HYCC2: variants seen among roughly 807,000 people sequenced by gnomAD.
HYCC2 encodes the protein hyccin 2.
chr2:201,024,879 G>C, the HYCC2 span, among the ~76,000 whole-genome samples: 1 of 152,216 alleles, frequency 6.6e-6, no homozygotes, highest in South Asian at 2.1e-4. Context: ...ACTTTGGGAG[G>C]CTGAGGCAGG....
chr2:201,048,250 T>C, the HYCC2 span, among the ~76,000 whole-genome samples: 3 of 151,954 alleles, frequency 2.0e-5, no homozygotes, highest in Non-Finnish European at 4.4e-5. Context: ...TATATACATA[T>C]ATCAAACAAG....
At chr2:201,005,016 CAAAAAA>C in the HYCC2 span, among the ~76,000 whole-genome samples, 4 of 56,598 alleles carry the variant, frequency 7.1e-5, no homozygotes, top group East Asian at 2.5e-3. Context: ...GACTCCATCT[CAAAAAA>C]AAAAAAAAAA....
chr2:200,995,843 T>C, the HYCC2 span, among the ~76,000 whole-genome samples: 1 of 152,176 alleles, frequency 6.6e-6, no homozygotes, highest in African/African-American at 2.4e-5. Context: ...CTGCTCAATT[T>C]GTAGCAATTT....
At chr2:200,979,247 TATAC>T in the HYCC2 span, 1 of 147,886 alleles carries the variant, frequency 6.8e-6, no homozygotes. Context: ...CTTTGTGATA[TATAC>T]ATATACACAC....
the HYCC2 span, among the ~76,000 whole-genome samples, chr2:201,048,702 C>T: frequency 6.6e-6 from 1 of 151,946 alleles, no homozygotes; most frequent in Non-Finnish European, 1.5e-5. Context: ...TTAAAAAAGA[C>T]ACACTAATTT....
chr2:200,999,987 G>C, the HYCC2 span, among the ~76,000 whole-genome samples: 1 of 150,150 alleles, frequency 6.7e-6, no homozygotes, highest in East Asian at 2.0e-4. Flanking sequence ...GAACCCGAGA[G>C]GCGGAGGTTA....
chr2:200,981,071 G>A, the HYCC2 span: 1 of 643,672 alleles, frequency 1.6e-6, no homozygotes, highest in East Asian at 2.8e-5. The surrounding 1 kb of genome is among the most constrained non-coding windows in gnomAD (Gnocchi z 4.5). Flanking sequence ...ACAAGGGATA[G>A]GTGAAGAGAA....
At chr2:201,040,615 G>C in the HYCC2 span, among the ~76,000 whole-genome samples, 1 of 151,938 alleles carries the variant, frequency 6.6e-6, no homozygotes, top group African/African-American at 2.4e-5. Context: ...CCTCCGAGTA[G>C]CTGGGATCAC....
At chr2:201,068,016 G>A in the HYCC2 span, among the ~76,000 whole-genome samples, 13 of 152,246 alleles carry the variant, frequency 8.5e-5, no homozygotes, top group African/African-American at 3.1e-4. Flanking sequence ...TGGGTGCAGT[G>A]GCTCACACCT....
chr2:201,003,504 T>C, the HYCC2 span, among the ~76,000 whole-genome samples: 1 of 141,582 alleles, frequency 7.1e-6, no homozygotes, highest in Non-Finnish European at 1.5e-5. Flanking sequence ...AGGTCAGGGG[T>C]TCAAGACTAG....
the HYCC2 span, among the ~76,000 whole-genome samples, chr2:201,060,270 C>T: frequency 2.0e-5 from 3 of 152,120 alleles, no homozygotes; most frequent in African/African-American, 7.2e-5. Flanking sequence ...TACTAGTTTC[C>T]ATCCAATATA....
chr2:201,027,119 T>G, the HYCC2 span, among the ~76,000 whole-genome samples: 2 of 151,992 alleles, frequency 1.3e-5, no homozygotes, highest in Non-Finnish European at 2.9e-5. Flanking sequence ...CAATAAAAAA[T>G]GATAAGGGGG....
chr2:201,033,039 T>A, the HYCC2 span, among the ~76,000 whole-genome samples: 1 of 152,044 alleles, frequency 6.6e-6, no homozygotes, highest in Admixed American at 6.6e-5. Context: ...TTTTTAAATG[T>A]ATATTACTAC....
At chr2:201,023,287 T>G in the HYCC2 span, among the ~76,000 whole-genome samples, 1 of 151,748 alleles carries the variant, frequency 6.6e-6, no homozygotes. Context: ...AGGTGGAGGT[T>G]GCAGTGAGCC....
the HYCC2 span, among the ~76,000 whole-genome samples, chr2:201,067,424 T>C: frequency 6.6e-6 from 1 of 152,180 alleles, no homozygotes; most frequent in African/African-American, 2.4e-5. Context: ...TTATGACCAC[T>C]TTTTTGGCAG....
the HYCC2 span, among the ~76,000 whole-genome samples, chr2:200,993,621 A>T: frequency 0.011 from 1,715 of 151,734 alleles, 17 homozygotes; most frequent in Non-Finnish European, 0.017. Flanking sequence ...GTCTTGGGAA[A>T]TTTTTTTTTA....
chr2:201,033,263 C>G, the HYCC2 span, among the ~76,000 whole-genome samples: 1 of 151,048 alleles, frequency 6.6e-6, no homozygotes, highest in African/African-American at 2.4e-5. Context: ...GTGACACAAT[C>G]AGGGCTCACT....
At chr2:201,005,620 G>T in the HYCC2 span, among the ~76,000 whole-genome samples, 1 of 152,290 alleles carries the variant, frequency 6.6e-6, no homozygotes, top group African/African-American at 2.4e-5. Flanking sequence ...TCGCCTAGTT[G>T]TGATAGCACA....
the HYCC2 span, among the ~76,000 whole-genome samples, chr2:201,047,983 T>A: frequency 6.7e-6 from 1 of 149,658 alleles, no homozygotes; most frequent in East Asian, 1.9e-4. Context: ...TCCTAAATCA[T>A]AAACATGGAA....
Sources: allele counts gnomAD v4.1 joint callset (sites outside exome capture counted in the v4.1 genomes callset), GRCh38; gene constraint gnomAD v4.1.1; non-coding constraint Gnocchi (gnomAD v3.1); transcripts MANE v1.5; gene names NCBI Gene and HGNC (gene_info 2026-07-23, HGNC 2026-07-21).